The following BCKDHB variants were observed in gnomAD, a reference collection of about 807,000 sequenced individuals.
BCKDHB encodes the protein 2-oxoisovalerate dehydrogenase subunit beta, mitochondrial.
In BCKDHB, 41 loss-of-function variants were observed where a neutral mutation model predicts 48.5. That is an observed-to-expected ratio of 0.85 (90% CI 0.66 to 1.10). The LOEUF (loss-of-function observed/expected upper bound fraction) is 1.10. Among genes scored for constraint, BCKDHB ranks in the 50% least tolerant of loss-of-function variants. The pLI is 0.00. For synonymous variants in BCKDHB, 201 were observed against 174.8 expected (o/e 1.15, Z -1.18); for missense variants, 496 against 494.2 (o/e 1.00, Z -0.03).
At chr6:80,158,941 G>A (rs888405662) in intron 3 of BCKDHB, among the ~76,000 whole-genome samples, 5 of 152,170 alleles carry the variant, frequency 3.3e-5, no homozygotes, top group Admixed American at 3.3e-4. Flanking sequence ...TGCTTATTCA[G>A]TGTTCTTTTT....
At chr6:80,147,954 G>GT (rs1771570124) in intron 3 of BCKDHB, among the ~76,000 whole-genome samples, 1 of 152,084 alleles carries the variant, frequency 6.6e-6, no homozygotes, top group South Asian at 2.1e-4. Context: ...GTGGTGAGGG[G>GT]TTACACATTG....
chr6:80,413,408 C>T, the BCKDHB span, among the ~76,000 whole-genome samples: 1 of 152,070 alleles, frequency 6.6e-6, no homozygotes, highest in Non-Finnish European at 1.5e-5. Flanking sequence ...CATATTAAGT[C>T]CAGAACCCAT....
At chr6:80,398,491 T>A in the BCKDHB span, among the ~76,000 whole-genome samples, 6 of 152,198 alleles carry the variant, frequency 3.9e-5, no homozygotes, top group African/African-American at 1.4e-4. Flanking sequence ...ATGGATAAAT[T>A]GCTGGACATA....
chr6:80,169,820 A>G (rs773780016), intron 5 of BCKDHB: 4 of 1,608,722 alleles, frequency 2.5e-6, no homozygotes, highest in Admixed American at 3.3e-5. Context: ...GATCAAAGTT[A>G]TAAGCTTATC....
chr6:80,333,551 A>G (rs2128011462), intron 9 of BCKDHB, among the ~76,000 whole-genome samples: 1 of 152,190 alleles, frequency 6.6e-6, no homozygotes, highest in South Asian at 2.1e-4. Context: ...GGATGTGCCA[A>G]TTATGCACGG....
chr6:80,457,199 GAAC>G, the BCKDHB span, among the ~76,000 whole-genome samples: 1 of 152,174 alleles, frequency 6.6e-6, no homozygotes, highest in Non-Finnish European at 1.5e-5. Context: ...CTTGCAACTA[GAAC>G]TACTGAACAT....
chr6:80,324,911 T>C (rs1051942697), intron 9 of BCKDHB, among the ~76,000 whole-genome samples: 1 of 152,192 alleles, frequency 6.6e-6, no homozygotes, highest in Non-Finnish European at 1.5e-5. Flanking sequence ...ATATGCTCAT[T>C]TGTGAAGTCA....
At chr6:80,338,935 G>A (rs34610880) in intron 9 of BCKDHB, among the ~76,000 whole-genome samples, 14,273 of 152,034 alleles carry the variant, frequency 0.094, 873 homozygotes, top group Admixed American at 0.16. Context: ...AAGTCACAAT[G>A]GAACAAAGAT....
the BCKDHB span, among the ~76,000 whole-genome samples, chr6:80,352,344 A>G: frequency 1.3e-5 from 2 of 152,070 alleles, no homozygotes; most frequent in South Asian, 4.1e-4. Flanking sequence ...TTAACTGAAA[A>G]AGGGTGAAAC....
chr6:80,144,625 A>G (rs915811241), intron 3 of BCKDHB, among the ~76,000 whole-genome samples: 2 of 152,146 alleles, frequency 1.3e-5, no homozygotes, highest in East Asian at 1.9e-4. Flanking sequence ...AATAGTCTCA[A>G]TGAAGCATTC....
intron 5 of BCKDHB, among the ~76,000 whole-genome samples, chr6:80,169,280 A>G (rs905302724): frequency 2.0e-5 from 3 of 152,152 alleles, no homozygotes; most frequent in Non-Finnish European, 4.4e-5. Flanking sequence ...AATTTTATAG[A>G]CTTCAAAGAA....
At chr6:80,368,823 C>T in the BCKDHB span, among the ~76,000 whole-genome samples, 2 of 151,968 alleles carry the variant, frequency 1.3e-5, no homozygotes, top group Non-Finnish European at 2.9e-5. Flanking sequence ...CTAGCCTGGG[C>T]CAATATGGCA....
chr6:80,408,809 A>G, the BCKDHB span, among the ~76,000 whole-genome samples: 240 of 149,418 alleles, frequency 1.6e-3, no homozygotes, highest in African/African-American at 5.6e-3. Flanking sequence ...TTTTCAAAAA[A>G]AAAAACCAAA....
intron 9 of BCKDHB, among the ~76,000 whole-genome samples, chr6:80,333,793 C>G (rs902650332): frequency 3.3e-5 from 5 of 151,930 alleles, no homozygotes; most frequent in African/African-American, 9.7e-5. Context: ...TTTAGTTTAC[C>G]TAAGTTTATT....
intron 9 of BCKDHB, among the ~76,000 whole-genome samples, chr6:80,321,141 A>G (rs1210101332): frequency 6.6e-6 from 1 of 152,148 alleles, no homozygotes; most frequent in African/African-American, 2.4e-5. Context: ...ACTTCTCCCC[A>G]TGCAGCTGTT....
intron 3 of BCKDHB, among the ~76,000 whole-genome samples, chr6:80,153,614 C>T (rs763881041): frequency 3.9e-5 from 6 of 152,140 alleles, no homozygotes; most frequent in Non-Finnish European, 7.4e-5. Context: ...CCTGTTGGTT[C>T]TATAGTGTTT....
the BCKDHB span, among the ~76,000 whole-genome samples, chr6:80,372,122 G>T: frequency 2.0e-5 from 3 of 152,030 alleles, no homozygotes; most frequent in African/African-American, 7.2e-5. Flanking sequence ...AGTATGGGAT[G>T]TGTTTCCATT....
intron 9 of BCKDHB, among the ~76,000 whole-genome samples, chr6:80,277,662 T>G (rs1200871053): frequency 6.6e-6 from 1 of 151,324 alleles, no homozygotes; most frequent in Non-Finnish European, 1.5e-5. Flanking sequence ...ATTTGAGTTT[T>G]TTTTTTTTTT....
At chr6:80,197,593 T>A (rs1246268700) in intron 6 of BCKDHB, among the ~76,000 whole-genome samples, 1 of 152,198 alleles carries the variant, frequency 6.6e-6, no homozygotes, top group Non-Finnish European at 1.5e-5. Flanking sequence ...TAGAATTGTG[T>A]GTTCCAGGGA....
Sources: allele counts gnomAD v4.1 joint callset (sites outside exome capture counted in the v4.1 genomes callset), GRCh38; gene constraint gnomAD v4.1.1; transcripts MANE v1.5; gene names NCBI Gene and HGNC (gene_info 2026-07-23, HGNC 2026-07-21).